The following PCSK5 variants were observed in gnomAD, a reference collection of about 807,000 sequenced individuals.
PCSK5 encodes proprotein convertase subtilisin/kexin type 5, also known as prohormone convertase 5.
In PCSK5, 129 loss-of-function variants were observed where a neutral mutation model predicts 233.2. That is an observed-to-expected ratio of 0.55 (90% CI 0.48 to 0.64). PCSK5 has a LOEUF of 0.64. Among genes scored for constraint, PCSK5 ranks in the 30% least tolerant of loss-of-function variants. The pLI is 0.00. For missense variants in PCSK5, 2,076 were observed against 2,430.1 expected (o/e 0.85, Z 3.06); for synonymous variants, 825 against 879.2 (o/e 0.94, Z 1.09).
chr9:75,988,381 A>G (rs572209018), intron 3 of PCSK5, among the ~76,000 whole-genome samples: 4 of 151,588 alleles, frequency 2.6e-5, no homozygotes, highest in African/African-American at 9.7e-5. Context: ...TCTTGGGCTC[A>G]AGCAATCCTC....
intron 31 of PCSK5, among the ~76,000 whole-genome samples, chr9:76,322,074 A>T (rs1829223993): frequency 6.6e-6 from 1 of 151,986 alleles, no homozygotes. Flanking sequence ...CTCAGCCTCC[A>T]GAGTAGCTGG....
chr9:76,276,135 C>T (rs28725352), intron 24 of PCSK5, among the ~76,000 whole-genome samples: 1 of 152,104 alleles, frequency 6.6e-6, no homozygotes. Context: ...TCTTTACTTT[C>T]TCTCAAATCT....
intron 2 of PCSK5, among the ~76,000 whole-genome samples, chr9:75,983,056 A>G (rs555283606): frequency 9.9e-5 from 15 of 152,140 alleles, no homozygotes; most frequent in East Asian, 7.7e-4. Context: ...GAATAATACC[A>G]TTATCATATA....
intron 7 of PCSK5, among the ~76,000 whole-genome samples, chr9:76,089,804 C>T (rs1288164671): frequency 1.3e-5 from 2 of 152,126 alleles, no homozygotes; most frequent in East Asian, 1.9e-4. Context: ...AAGCCTGGCT[C>T]GGATTGTATG....
At chr9:76,083,104 G>C (rs987274584) in intron 7 of PCSK5, among the ~76,000 whole-genome samples, 1 of 150,848 alleles carries the variant, frequency 6.6e-6, no homozygotes, top group African/African-American at 2.4e-5. Context: ...AGCTGTTCAG[G>C]AGGCTAAGGC....
At chr9:76,220,768 G>A (rs1477722160) in intron 20 of PCSK5, among the ~76,000 whole-genome samples, 1 of 152,040 alleles carries the variant, frequency 6.6e-6, no homozygotes, top group Admixed American at 6.5e-5. Context: ...TGTGCATGAT[G>A]AGAACACTTA....
At chr9:76,138,242 A>G (rs1380181395) in intron 10 of PCSK5, among the ~76,000 whole-genome samples, 1 of 151,928 alleles carries the variant, frequency 6.6e-6, no homozygotes, top group African/African-American at 2.4e-5. Flanking sequence ...TTTTTTCTTT[A>G]GTCAAGCCCC....
At chr9:76,126,914 C>T (rs1489081544) in intron 9 of PCSK5, among the ~76,000 whole-genome samples, 2 of 152,150 alleles carry the variant, frequency 1.3e-5, no homozygotes, top group Non-Finnish European at 1.5e-5. Context: ...AACAAAATTA[C>T]ACTTGTACCC....
chr9:75,894,652 T>A (rs1242014689), intron 1 of PCSK5, among the ~76,000 whole-genome samples: 1 of 152,214 alleles, frequency 6.6e-6, no homozygotes, highest in Non-Finnish European at 1.5e-5. Context: ...AGCTGCAGAA[T>A]GCCCTGCTTT....
chr9:75,929,995 T>C (rs1311698776), intron 1 of PCSK5, among the ~76,000 whole-genome samples: 1 of 152,032 alleles, frequency 6.6e-6, no homozygotes, highest in African/African-American at 2.4e-5. Flanking sequence ...CCTGAGTAGC[T>C]GGGATTACAG....
Position 75,976,608 on chromosome 9 carries a change from A to C in PCSK5, c.298-9524A>C, listed in dbSNP as rs546442172. Among the ~76,000 whole-genome samples, 6 of 152,212 alleles carry C rather than the reference A, an allele frequency of 3.9e-5. No individual in the cohort carries two copies. The South Asian group carries it at 1.2e-3, about 32-fold the overall frequency. On this transcript the variant is annotated intron_variant, in intron 2 of 37. Transcript: ENST00000674117. ...CAAGGATAAAGTAAAGCCAAAAAAAAAAATTGTCCTTACAAGTTGTGAAAA... is the reference window on the plus strand; with the variant it reads ...CAAGGATAAAGTAAAGCCAAAAAAACAAATTGTCCTTACAAGTTGTGAAAA...
intron 1 of PCSK5, among the ~76,000 whole-genome samples, chr9:75,924,134 C>T (rs549454631): frequency 9.2e-5 from 14 of 151,514 alleles, no homozygotes; most frequent in Admixed American, 4.6e-4. Flanking sequence ...ACTAATCAGC[C>T]GACCACATAC....
chr9:76,188,935 T>C lies in PCSK5; in HGVS notation c.2381-159T>C, dbSNP rs565065875. On this transcript the variant is annotated intron_variant, in intron 18 of 37. Coordinates refer to ENST00000674117, the MANE Select transcript of PCSK5 (RefSeq NM_001372043.1). ...ATGTTTTTGTCAAGAGGTTCCATTT[T>C]AACTTTGAAGGCTTTTTTCCCAGGG... Among the ~76,000 whole-genome samples, 4 of 152,370 alleles carry C rather than the reference T, an allele frequency of 2.6e-5. No homozygotes were observed. The East Asian group carries it at 7.7e-4, about 29-fold the overall frequency.
intron 30 of PCSK5, 103 bp downstream of exon 30, chr9:76,310,954 G>A (rs1029420807): frequency 2.1e-5 from 16 of 770,962 alleles, no homozygotes; most frequent in East Asian, 5.5e-5. Flanking sequence ...TCTGCTCTAC[G>A]AGCACCCACA....
chr9:76,212,932 A>G (rs1272198126), intron 20 of PCSK5, among the ~76,000 whole-genome samples: 1 of 152,220 alleles, frequency 6.6e-6, no homozygotes, highest in Non-Finnish European at 1.5e-5. Context: ...CCAGCTACTT[A>G]TGTACCATAG....
At position 76,101,620 on chromosome 9, in the gene PCSK5, A is replaced by C. The variant is rs370405848; in HGVS notation, c.1107+5518A>C. Among the ~76,000 whole-genome samples the C allele has an allele frequency of 3.4e-4, 52 of 152,260 alleles. No individual in the cohort carries two copies. In the South Asian group the frequency reaches 0.01, roughly 30 times the overall value. On this transcript the variant is annotated intron_variant, in intron 8 of 37. Coordinates refer to ENST00000674117, the MANE Select transcript of PCSK5 (RefSeq NM_001372043.1). The stretch of plus-strand genomic sequence containing the variant: ...AGTAATTTATCTTAGTGATTGGGAC[A>C]TAGGGTTTCTCAGATTCCTCCTGGG...
chr9:76,350,763 C>T (rs752526328), intron 35 of PCSK5, 65 bp from the exon 36 acceptor site: 4 of 969,746 alleles, frequency 4.1e-6, no homozygotes, highest in Non-Finnish European at 6.7e-6. Context: ...CCTAAGTGTT[C>T]CGGAACAAAG....
chr9:76,005,711 C>T (rs1047576504), intron 3 of PCSK5, among the ~76,000 whole-genome samples: 1 of 152,184 alleles, frequency 6.6e-6, no homozygotes, highest in Non-Finnish European at 1.5e-5. Flanking sequence ...GTAGATTGCT[C>T]ATTCCAAAGG....
chr9:76,328,316 G>C, intron 33 of PCSK5, 77 bp downstream of exon 33: 1 of 996,746 alleles, frequency 1.0e-6, no homozygotes, highest in Non-Finnish European at 1.6e-6. Flanking sequence ...TTGTCCAGTA[G>C]ATACTGGCTT....
Sources: allele counts gnomAD v4.1 joint callset (sites outside exome capture counted in the v4.1 genomes callset), GRCh38; gene constraint gnomAD v4.1.1; transcripts MANE v1.5; gene names NCBI Gene and HGNC (gene_info 2026-07-23, HGNC 2026-07-21).